The following CDC42BPA variants were observed in gnomAD, a reference collection of about 807,000 sequenced individuals.
CDC42BPA encodes the protein serine/threonine-protein kinase MRCK alpha.
A neutral mutation model predicts 223.5 loss-of-function variants in CDC42BPA; 80 were observed. The observed-to-expected ratio is 0.36, with a 90% CI of 0.30 to 0.43. CDC42BPA has a LOEUF of 0.43. Among genes scored for constraint, CDC42BPA ranks in the 20% least tolerant of loss-of-function variants. CDC42BPA has a pLI of 1.00. For synonymous variants in CDC42BPA, 694 were observed against 718.6 expected (o/e 0.97, Z 0.55); for missense variants, 1,743 against 2,099.9 (o/e 0.83, Z 3.32).
At chr1:227,060,845 C>T (rs1384375616) in intron 21 of CDC42BPA, among the ~76,000 whole-genome samples, 1 of 150,950 alleles carries the variant, frequency 6.6e-6, no homozygotes, top group African/African-American at 2.4e-5. Context: ...CCTCAGACTC[C>T]CGAGTAGCTG....
intron 16 of CDC42BPA, among the ~76,000 whole-genome samples, chr1:227,091,336 G>A (rs1425568852): frequency 6.6e-6 from 1 of 152,168 alleles, no homozygotes; most frequent in Non-Finnish European, 1.5e-5. Flanking sequence ...TGGATCAGGA[G>A]GGCAGGCCCC....
At chr1:227,250,839 C>T (rs1449252205) in intron 2 of CDC42BPA, among the ~76,000 whole-genome samples, 6 of 152,012 alleles carry the variant, frequency 3.9e-5, no homozygotes, top group African/African-American at 1.4e-4. Context: ...ACTCCTTGAG[C>T]CTTGGAGTTT....
intron 2 of CDC42BPA, among the ~76,000 whole-genome samples, chr1:227,250,632 GTGTGTGTA>G (rs1047474172): frequency 8.6e-5 from 13 of 151,992 alleles, no homozygotes; most frequent in African/African-American, 3.1e-4. Flanking sequence ...AAGTGTGTGT[GTGTGTGTA>G]TGTGTGTGTG....
At chr1:227,209,182 C>T (rs1390144694) in intron 3 of CDC42BPA, among the ~76,000 whole-genome samples, 1 of 143,426 alleles carries the variant, frequency 7.0e-6, no homozygotes, top group Non-Finnish European at 1.5e-5. Flanking sequence ...TATAAGAATG[C>T]TTGTGATTTT....
intron 12 of CDC42BPA, among the ~76,000 whole-genome samples, chr1:227,115,724 G>C (rs1400246871): frequency 6.6e-6 from 1 of 151,872 alleles, no homozygotes; most frequent in East Asian, 1.9e-4. Context: ...AACTAAATTA[G>C]AAGTCAACAA....
intron 3 of CDC42BPA, among the ~76,000 whole-genome samples, chr1:227,203,408 T>C (rs369646317): frequency 6.6e-6 from 1 of 152,162 alleles, no homozygotes; most frequent in African/African-American, 2.4e-5. Flanking sequence ...CTGGCCCCAG[T>C]TGTCAATGAA....
At chr1:227,039,359 C>T (rs1305263391) in intron 24 of CDC42BPA, among the ~76,000 whole-genome samples, 4 of 151,966 alleles carry the variant, frequency 2.6e-5, no homozygotes, top group Non-Finnish European at 5.9e-5. Context: ...TTTTTAAATT[C>T]TACTTTTCCA....
chr1:227,317,804 C>A lies in CDC42BPA; in HGVS notation c.-622G>T. 5 of 398,700 alleles carry A rather than the reference C, an allele frequency of 1.3e-5. No homozygotes were observed. The highest frequency in any genetic ancestry group is 2.2e-5 in the Non-Finnish European group (5 of 226,110). 24.7% of individuals were successfully genotyped at this position (398,700 alleles called of 1,614,324 possible). On this transcript the variant is annotated 5_prime_UTR_variant, in exon 1 of 37. Transcript: ENST00000366766. ...AGGTCCCTGAAGCAGCCCCTCGGCTCGGAGCACGCCAAGTCTTGCCCGGAG... is the reference window on the plus strand; with the variant it reads ...AGGTCCCTGAAGCAGCCCCTCGGCTAGGAGCACGCCAAGTCTTGCCCGGAG...
intron 1 of CDC42BPA, among the ~76,000 whole-genome samples, chr1:227,314,997 C>T (rs1198266437): frequency 6.6e-6 from 1 of 151,882 alleles, no homozygotes; most frequent in Non-Finnish European, 1.5e-5. Context: ...GGACATTTCC[C>T]CAAAATGCAG....
intron 12 of CDC42BPA, among the ~76,000 whole-genome samples, chr1:227,114,455 G>GA (rs34688481): frequency 0.33 from 44,054 of 133,426 alleles, 6,633 homozygotes; most frequent in East Asian, 0.44. Context: ...TTTATTTCAG[G>GA]AAAAAAAAAA....
At chr1:227,212,532 C>T (rs908890009) in intron 3 of CDC42BPA, among the ~76,000 whole-genome samples, 1 of 152,094 alleles carries the variant, frequency 6.6e-6, no homozygotes, top group Admixed American at 6.6e-5. Context: ...AGCGGACCCC[C>T]CAGAAGTCCA....
chr1:227,073,967 C>T lies in CDC42BPA; in HGVS notation c.2632G>A (p.Ala878Thr). The change falls in exon 19 of 37, where the codon GCT becomes ACT. Residue 878 changes from alanine (A) to threonine (T), a missense_variant. Physicochemically the swap from Ala to Thr is moderately conservative, Grantham distance 58. Around this residue, in one of 6 missense-constraint regions of CDC42BPA, gnomAD observed 36 missense variants for 71.9 expected, o/e 0.50. Transcript: ENST00000366766. The part of the protein sequence containing the change: ...MRRFAKLDMS[A>T]RLELQSALDA... The stretch of plus-strand genomic sequence containing the variant: ...AGAGCCGACTGCAACTCCAGTCTAG[C>T]TGACATATCCAGTTTCGCAAAACGA... 1 of 1,612,602 alleles carries T rather than the reference C, an allele frequency of 6.2e-7. No homozygotes were observed. Among genetic ancestry groups the T allele is most frequent in the African/African-American group, 1.3e-5 (1 of 74,964 alleles).
chr1:227,301,082 A>C (rs1288304844), intron 1 of CDC42BPA, among the ~76,000 whole-genome samples: 1 of 149,376 alleles, frequency 6.7e-6, no homozygotes, highest in Non-Finnish European at 1.5e-5. Flanking sequence ...TGTTCACAGA[A>C]GTATCTGTGT....
At chr1:227,252,796 T>TC (rs1682256147) in intron 2 of CDC42BPA, among the ~76,000 whole-genome samples, 1 of 152,146 alleles carries the variant, frequency 6.6e-6, no homozygotes, top group Non-Finnish European at 1.5e-5. Flanking sequence ...ACCATGAGTG[T>TC]CCCAAAAGAT....
At chr1:227,168,958 T>G (rs2149901241) in intron 5 of CDC42BPA, among the ~76,000 whole-genome samples, 1 of 152,328 alleles carries the variant, frequency 6.6e-6, no homozygotes, top group Non-Finnish European at 1.5e-5. Context: ...TAACAGGTCC[T>G]TGGACTACTA....
chr1:227,031,612 TAA>T, intron 27 of CDC42BPA, 98 bp from the exon 28 acceptor site: 2 of 913,998 alleles, frequency 2.2e-6, no homozygotes, highest in African/African-American at 3.3e-5. Context: ...ACCAATAAAA[TAA>T]GCATTCATTA....
intron 2 of CDC42BPA, among the ~76,000 whole-genome samples, chr1:227,240,046 T>G (rs187916590): frequency 4.0e-4 from 61 of 152,016 alleles, no homozygotes; most frequent in Admixed American, 3.7e-3. Context: ...GGGACCAAAA[T>G]AACAACAAAA....
At chr1:227,092,858 C>T (rs1366832006) in intron 15 of CDC42BPA, among the ~76,000 whole-genome samples, 1 of 152,172 alleles carries the variant, frequency 6.6e-6, no homozygotes, top group Non-Finnish European at 1.5e-5. Flanking sequence ...TTCAGAACCA[C>T]TGAGAGGCAG....
At chr1:227,069,242 C>T (rs1325874730) in intron 21 of CDC42BPA, 7 of 151,850 alleles carry the variant, frequency 4.6e-5, no homozygotes, top group Non-Finnish European at 1.5e-5. Context: ...TTTTTTAAAG[C>T]AAAGAATTTA....
Sources: allele counts gnomAD v4.1 joint callset (sites outside exome capture counted in the v4.1 genomes callset), GRCh38; gene constraint gnomAD v4.1.1; regional missense constraint gnomAD v4.1.1; transcripts MANE v1.5; gene names NCBI Gene and HGNC (gene_info 2026-07-23, HGNC 2026-07-21).